The following SPAG16 variants were observed in gnomAD, a reference collection of about 807,000 sequenced individuals.
SPAG16 encodes the protein sperm associated antigen 16, also known as sperm-associated antigen 16 protein.
SPAG16 carries 86 observed loss-of-function variants against 80.4 expected under a neutral mutation model. The observed-to-expected ratio is 1.07, with a 90% CI of 0.90 to 1.28. The LOEUF (loss-of-function observed/expected upper bound fraction) is 1.28, where lower values mean the gene tolerates loss of function less well. SPAG16 is among the 50% of genes most tolerant of loss of function. The pLI, the probability that SPAG16 is intolerant of heterozygous loss-of-function variation, is 0.00. For missense variants in SPAG16, 870 were observed against 765.3 expected (o/e 1.14, Z -1.61); for synonymous variants, 294 against 265.9 (o/e 1.11, Z -1.03).
intron 10 of SPAG16, among the ~76,000 whole-genome samples, chr2:213,561,334 T>C (rs752441731): frequency 1.3e-5 from 2 of 152,250 alleles, no homozygotes; most frequent in Non-Finnish European, 2.9e-5. Context: ...TATAATATTA[T>C]GATTATTTAA....
At chr2:213,366,121 G>A (rs1346070242) in intron 8 of SPAG16, among the ~76,000 whole-genome samples, 3 of 133,924 alleles carry the variant, frequency 2.2e-5, no homozygotes, top group Non-Finnish European at 3.1e-5. Context: ...CAGCCTGGGC[G>A]ACAGAGCGAG....
chr2:213,366,196 T>G (rs905331729), intron 8 of SPAG16, among the ~76,000 whole-genome samples: 7 of 151,438 alleles, frequency 4.6e-5, no homozygotes, highest in Non-Finnish European at 7.4e-5. Context: ...ACTTGCCTAT[T>G]TAACATATAT....
intron 10 of SPAG16, among the ~76,000 whole-genome samples, chr2:213,779,777 G>A (rs994037266): frequency 6.6e-6 from 1 of 152,124 alleles, no homozygotes; most frequent in African/African-American, 2.4e-5. Flanking sequence ...AACATCTCCT[G>A]AATCATAACG....
At chr2:213,600,504 G>A (rs937374360) in intron 10 of SPAG16, among the ~76,000 whole-genome samples, 14 of 152,142 alleles carry the variant, frequency 9.2e-5, no homozygotes, top group Admixed American at 8.5e-4. Context: ...TAGTATTGTG[G>A]TAGGTGCTGA....
At chr2:213,902,408 TG>T (rs1306631011) in intron 11 of SPAG16, among the ~76,000 whole-genome samples, 1 of 152,198 alleles carries the variant, frequency 6.6e-6, no homozygotes, top group Non-Finnish European at 1.5e-5. Flanking sequence ...AGAATCATGG[TG>T]GGTGCTGAAA....
chr2:213,865,725 A>G (rs1271490350), intron 11 of SPAG16, among the ~76,000 whole-genome samples: 1 of 147,694 alleles, frequency 6.8e-6, no homozygotes, highest in Admixed American at 6.8e-5. Flanking sequence ...ATATTTATAT[A>G]CATATAAATA....
At position 213,792,865 on chromosome 2, in the gene SPAG16, C is replaced by G. The variant is rs534232023; in HGVS notation, c.1071-69620C>G. 2.1e-4 allele frequency among the ~76,000 whole-genome samples: 32 copies of G among 152,042 alleles called. No individual in the cohort carries two copies. The South Asian group carries it at 6.0e-3, about 29-fold the overall frequency. ...AATGTTGGTGTTCTTTTCTTCAATC[C>G]CAGGAGGTCTGAATCCCACGTCTCC... On this transcript the variant is annotated intron_variant, in intron 10 of 15. Transcript: ENST00000331683.
intron 4 of SPAG16, among the ~76,000 whole-genome samples, chr2:213,312,290 A>C (rs1406874876): frequency 6.6e-6 from 1 of 151,700 alleles, no homozygotes; most frequent in Non-Finnish European, 1.5e-5. Context: ...TCGATGGTTC[A>C]ATTCTATTTA....
rs1384639711 is a variant in SPAG16, at chr2:214,149,141, G to A, written c.1595G>A (p.Gly532Asp). 6.5e-7 allele frequency: 1 copy of A among 1,545,280 alleles called. No individual in the cohort carries two copies. The highest frequency in any genetic ancestry group is 2.6e-5 in the East Asian group (1 of 38,532). Residue 532 changes from glycine (G) to aspartate (D), a missense_variant and splice_region_variant, in exon 15 of 16, where the codon GGT (glycine) becomes GAT (aspartate). Gly to Asp is a moderately conservative substitution (Grantham distance 94, BLOSUM62 -1). Transcript: ENST00000331683. ...TTTTGTTTATCTTATATTTTGAAGG[G>A]TCACATGATAGCATCCTGTGATGCC... ...SINDAIFDPR[G>D]HMIASCDACG...
chr2:213,609,812 T>A lies in SPAG16; in HGVS notation c.1070+119722T>A, dbSNP rs369421144. Among the ~76,000 whole-genome samples the A allele has an allele frequency of 7.9e-5, 12 of 152,318 alleles. No individual in the cohort carries two copies. The South Asian group carries it at 2.5e-3, about 32-fold the overall frequency. On this transcript the variant is annotated intron_variant, in intron 10 of 15. Transcript: ENST00000331683. The stretch of plus-strand genomic sequence containing the variant: ...TCTTTAATTCAGCTTTTAATGATGG[T>A]AGTGATGGTGGTGTTCTGGTGATGT...
chr2:214,008,757 A>AC (rs2047149829), intron 12 of SPAG16, among the ~76,000 whole-genome samples: 1 of 152,190 alleles, frequency 6.6e-6, no homozygotes, highest in African/African-American at 2.4e-5. Flanking sequence ...AAAAAAAAAA[A>AC]AAATACATGC....
intron 3 of SPAG16, among the ~76,000 whole-genome samples, chr2:213,298,321 CT>C (rs2062592696): frequency 1.3e-5 from 2 of 152,264 alleles, no homozygotes; most frequent in Non-Finnish European, 2.9e-5. Flanking sequence ...ATTCCATAGA[CT>C]TAGTCTGTTG....
At chr2:213,749,876 C>A (rs1344080099) in intron 10 of SPAG16, among the ~76,000 whole-genome samples, 3 of 152,092 alleles carry the variant, frequency 2.0e-5, no homozygotes, top group African/African-American at 7.2e-5. Flanking sequence ...ACTATAAGAG[C>A]CTATGTAGAC....
intron 10 of SPAG16, among the ~76,000 whole-genome samples, chr2:213,614,395 G>A (rs769170900): frequency 6.6e-6 from 1 of 152,142 alleles, no homozygotes; most frequent in Non-Finnish European, 1.5e-5. Flanking sequence ...GTCACTGATG[G>A]TAATCAACAG....
intron 10 of SPAG16, among the ~76,000 whole-genome samples, chr2:213,642,882 C>G (rs868533140): frequency 5.4e-5 from 8 of 147,238 alleles, no homozygotes; most frequent in Admixed American, 1.4e-4. Context: ...GCCTACATCT[C>G]TTTTCCATGC....
chr2:213,420,818 A>G (rs1257254355), intron 9 of SPAG16, among the ~76,000 whole-genome samples: 1 of 152,204 alleles, frequency 6.6e-6, no homozygotes, highest in East Asian at 1.9e-4. Flanking sequence ...TTGCATTCCA[A>G]AAAAAGAAAG....
chr2:214,091,266 C>T (rs1431206094), intron 13 of SPAG16, among the ~76,000 whole-genome samples: 1 of 152,030 alleles, frequency 6.6e-6, no homozygotes, highest in African/African-American at 2.4e-5. Flanking sequence ...ATTATTATTT[C>T]ATTTATTTCT....
intron 10 of SPAG16, among the ~76,000 whole-genome samples, chr2:213,780,421 C>G (rs1389803508): frequency 1.3e-5 from 2 of 152,026 alleles, no homozygotes; most frequent in Non-Finnish European, 2.9e-5. Flanking sequence ...GCATCTTCTC[C>G]TCTTGGGGAA....
At chr2:213,999,921 T>A (rs948736641) in intron 12 of SPAG16, among the ~76,000 whole-genome samples, 1 of 152,116 alleles carries the variant, frequency 6.6e-6, no homozygotes, top group Non-Finnish European at 1.5e-5. Context: ...ATTTACCCAA[T>A]ACCTGTACCC....
Sources: gnomAD v4.1 joint callset for allele counts (sites outside exome capture counted in the v4.1 genomes callset) on GRCh38, gnomAD v4.1.1 for gene constraint, MANE v1.5 for transcripts, NCBI Gene and HGNC (gene_info 2026-07-23, HGNC 2026-07-21) for gene names.